Variants in LY96 observed in about 807,000 individuals in gnomAD.
The protein encoded by LY96 is lymphocyte antigen 96, also known as myeloid differentiation protein-2.
LY96 carries 18 observed loss-of-function variants against 18.9 expected under a neutral mutation model. The observed-to-expected ratio is 0.95, with a 90% CI of 0.66 to 1.41. The LOEUF (loss-of-function observed/expected upper bound fraction) is 1.41. Ranked by LOEUF, LY96 falls within the 40% of genes most tolerant of loss-of-function variation. The pLI is 0.00. For synonymous variants in LY96, 66 were observed against 62.6 expected (o/e 1.06, Z -0.26); for missense variants, 175 against 182.4 (o/e 0.96, Z 0.23).
chr8:74,009,400 G>GAAGAA (rs370257053), intron 2 of LY96, among the ~76,000 whole-genome samples: 8 of 111,186 alleles, frequency 7.2e-5, no homozygotes, highest in Admixed American at 1.8e-4. Flanking sequence ...AAAAAAAAAA[G>GAAGAA]AAGAAAAGAA....
chr8:74,082,711 A>G, the LY96 span, among the ~76,000 whole-genome samples: 1 of 152,192 alleles, frequency 6.6e-6, no homozygotes, highest in Admixed American at 6.5e-5. Flanking sequence ...AGATTCAAGT[A>G]AACAGGTGCA....
the LY96 span, among the ~76,000 whole-genome samples, chr8:74,071,917 C>T: frequency 2.0e-5 from 3 of 152,006 alleles, no homozygotes; most frequent in African/African-American, 7.3e-5. Context: ...ATGCATTTAC[C>T]TGTTGATGTC....
downstream of LY96, among the ~76,000 whole-genome samples, chr8:74,033,009 A>G (rs1208003713): frequency 2.0e-5 from 3 of 152,148 alleles, no homozygotes; most frequent in Non-Finnish European, 2.9e-5. Context: ...ATATTCTCCA[A>G]CAAAAATTTC....
the LY96 span, among the ~76,000 whole-genome samples, chr8:74,083,520 C>T: frequency 6.6e-6 from 1 of 152,014 alleles, no homozygotes; most frequent in Admixed American, 6.6e-5. Context: ...TAAAAAGTAA[C>T]TGTAATATGA....
chr8:74,017,693 A>C (rs1417256920), intron 3 of LY96, among the ~76,000 whole-genome samples: 1 of 152,222 alleles, frequency 6.6e-6, no homozygotes, highest in Non-Finnish European at 1.5e-5. Flanking sequence ...TCAGACTAAC[A>C]GTGGATCTCT....
chr8:74,016,738 C>T (rs772216557), intron 3 of LY96, among the ~76,000 whole-genome samples: 4 of 152,178 alleles, frequency 2.6e-5, no homozygotes, highest in Non-Finnish European at 5.9e-5. Flanking sequence ...CTGCAGCCTC[C>T]GCTGGTGATA....
intron 1 of LY96, among the ~76,000 whole-genome samples, chr8:74,002,322 T>C (rs1326852531): frequency 6.6e-6 from 1 of 151,732 alleles, no homozygotes; most frequent in African/African-American, 2.4e-5. Context: ...TGTTCTTTTT[T>C]TCTTCCACTT....
At chr8:74,052,274 G>A in the LY96 span, 1 of 152,146 alleles carries the variant, frequency 6.6e-6, no homozygotes, top group Non-Finnish European at 1.5e-5. Flanking sequence ...GAAAGTAGAA[G>A]TGTGACATAA....
chr8:74,011,019 C>T (rs1816520616), intron 3 of LY96, among the ~76,000 whole-genome samples: 2 of 152,062 alleles, frequency 1.3e-5, no homozygotes, highest in Non-Finnish European at 2.9e-5. Flanking sequence ...GTGTCAGACT[C>T]AAATCAGCTT....
the LY96 span, among the ~76,000 whole-genome samples, chr8:74,040,571 C>A: frequency 6.6e-6 from 1 of 152,174 alleles, no homozygotes; most frequent in African/African-American, 2.4e-5. Context: ...GTTTTCCCAG[C>A]ACCATTTATT....
the LY96 span, among the ~76,000 whole-genome samples, chr8:74,081,087 C>CTCTCTCTT: frequency 5.4e-5 from 5 of 93,024 alleles, no homozygotes; most frequent in African/African-American, 1.0e-4. Context: ...TTCTCTTTCT[C>CTCTCTCTT]TCTTTCTTTC....
At chr8:74,042,280 G>A in the LY96 span, among the ~76,000 whole-genome samples, 1 of 152,190 alleles carries the variant, frequency 6.6e-6, no homozygotes, top group Non-Finnish European at 1.5e-5. Flanking sequence ...CAGCACTTTG[G>A]GTGGCTGACG....
intron 3 of LY96, among the ~76,000 whole-genome samples, chr8:74,013,037 G>C (rs1453305869): frequency 6.6e-6 from 1 of 151,898 alleles, no homozygotes; most frequent in Non-Finnish European, 1.5e-5. Context: ...GCTCACTGCA[G>C]CCTCAAACTC....
chr8:74,071,082 C>T, the LY96 span, among the ~76,000 whole-genome samples: 25 of 152,074 alleles, frequency 1.6e-4, 1 homozygote, highest in Admixed American at 1.5e-3. Context: ...TAACTTTCCT[C>T]GGTCACACAG....
downstream of LY96, among the ~76,000 whole-genome samples, chr8:74,030,899 G>T (rs528878430): frequency 6.6e-6 from 1 of 152,326 alleles, no homozygotes; most frequent in South Asian, 2.1e-4. Context: ...AAGACTTGGA[G>T]GACAGGCTTT....
the LY96 span, among the ~76,000 whole-genome samples, chr8:74,054,613 T>TTTCC: frequency 0.051 from 5,033 of 98,406 alleles, 267 homozygotes; most frequent in African/African-American, 0.095. Flanking sequence ...CTTGTTTCCT[T>TTTCC]TTCCTTCTTT....
At chr8:74,067,010 A>G in the LY96 span, among the ~76,000 whole-genome samples, 4 of 152,226 alleles carry the variant, frequency 2.6e-5, no homozygotes, top group African/African-American at 9.6e-5. Context: ...TAGTGGAGAC[A>G]GTGTGTCAGG....
chr8:74,056,381 G>A, the LY96 span: 7 of 309,734 alleles, frequency 2.3e-5, no homozygotes, highest in Non-Finnish European at 3.7e-5. Flanking sequence ...TGATCCCAGA[G>A]GTGCAGACAG....
intron 3 of LY96, among the ~76,000 whole-genome samples, chr8:74,023,676 A>G (rs1257881209): frequency 6.6e-6 from 1 of 152,070 alleles, no homozygotes; most frequent in Non-Finnish European, 1.5e-5. Flanking sequence ...TTCTCCGTTC[A>G]AATTTCCTGC....
Sources: allele counts gnomAD v4.1 joint callset (sites outside exome capture counted in the v4.1 genomes callset), GRCh38; gene constraint gnomAD v4.1.1; transcripts MANE v1.5; gene names NCBI Gene and HGNC (gene_info 2026-07-23, HGNC 2026-07-21).